Variants in KLC3 observed in about 807,000 individuals in gnomAD.
KLC3 encodes kinesin light chain 2.
In KLC3, 72 loss-of-function variants were observed where a neutral mutation model predicts 62.9. That is an observed-to-expected ratio of 1.15 (90% CI 0.95 to 1.39). The LOEUF (loss-of-function observed/expected upper bound fraction) is 1.39. KLC3 is among the 40% of genes most tolerant of loss of function. The pLI is 0.00. For missense variants in KLC3, 848 were observed against 691.6 expected, an observed-to-expected ratio of 1.23 and a Z score of -2.54; for synonymous variants, 377 against 300.5, an observed-to-expected ratio of 1.25 and a Z score of -2.63.
chr19:45,350,314 A>G (rs748311375), intron 8 of KLC3, 27 bp from the exon 9 acceptor site: 1 of 1,603,192 alleles, frequency 6.2e-7, no homozygotes, highest in Non-Finnish European at 8.5e-7. Context: ...GGGTCCGAAA[A>G]GTTCCCAGAC....
At chr19:45,349,699 G>C (rs573461456) in intron 8 of KLC3, 97 bp downstream of exon 8, 4 of 884,250 alleles carry the variant, frequency 4.5e-6, no homozygotes, top group East Asian at 2.7e-5. Flanking sequence ...GTGAGGGTGG[G>C]GGGGGGCCCC....
intron 3 of KLC3, chr19:45,347,173 T>C (rs1277765435): frequency 1.3e-5 from 6 of 452,244 alleles, no homozygotes; most frequent in African/African-American, 2.0e-5. Flanking sequence ...AGAAACCCCG[T>C]CTCTACTAAA....
Position 45,351,021 on chromosome 19 carries a change from A to AG in KLC3, c.1443+9dup, listed in dbSNP as rs1349745490. 9 of 1,613,980 alleles carry AG rather than the reference A, an allele frequency of 5.6e-6. No homozygotes were observed. The highest frequency in any genetic ancestry group is 6.8e-6 in the Non-Finnish European group (8 of 1,180,018). On this transcript the variant is annotated splice_donor_region_variant and intron_variant, in intron 12 of 12. Coordinates refer to ENST00000391946, the MANE Select transcript of KLC3 (RefSeq NM_177417.3). ...TCCAAGGGCTCCTGGGACTCAGGTG[A>AG]GGGGGACATCTGGGTCAAAAATAGA...
At position 45,345,797 on chromosome 19, in the gene KLC3, C is replaced by A. The variant is rs1353787944; in HGVS notation, c.256C>A (p.Gln86Lys). The change falls in exon 2 of 13, where the codon CAG becomes AAG. Residue 86 changes from glutamine to lysine, a missense_variant and splice_region_variant. Gln to Lys is a moderately conservative substitution (Grantham distance 53). Coordinates refer to ENST00000391946, the MANE Select transcript of KLC3 (RefSeq NM_177417.3). The stretch of plus-strand genomic sequence containing the variant: ...CATCGAGCTGGGGCTGGGCGAGGCC[C>A]AGGTATGAGGGGGCCAGGTGGGGAG... The part of the protein sequence containing the change: ...EAIELGLGEA[Q>K]VLLALSAHVG... 16 of 1,545,264 alleles carry A rather than the reference C, an allele frequency of 1.0e-5. No individual in the cohort carries two copies. Among genetic ancestry groups the A allele is most frequent in the Non-Finnish European group, 1.3e-5 (15 of 1,145,658 alleles).
At chr19:45,351,222 T>C in intron 12 of KLC3, 64 bp from the exon 13 acceptor site, 6 of 1,591,726 alleles carry the variant, frequency 3.8e-6, no homozygotes, top group Non-Finnish European at 5.1e-6. Context: ...GACCTGGAGC[T>C]GGAGGGTGGA....
chr19:45,348,682 C>G lies in KLC3; in HGVS notation c.816C>G (p.Leu272=). Residue 272 remains leucine (L), a synonymous_variant, in exon 6 of 13, where the codon CTC becomes CTG. Transcript: ENST00000391946. ...AGTACAAAGAAGCCACAGACCTTCT[C>G]CATGATGCCCTGCAGATCCGGGAGC... is the stretch of plus-strand genomic sequence containing the variant. ...QNKYKEATDL[L]HDALQIREQT... The G allele has an allele frequency of 7.5e-6, 12 of 1,596,060 alleles. No individual in the cohort carries two copies. The highest frequency in any genetic ancestry group is 1.0e-5 in the Non-Finnish European group (12 of 1,171,674).
intron 7 of KLC3, 86 bp downstream of exon 7, chr19:45,349,007 G>A: frequency 1.7e-6 from 2 of 1,211,162 alleles, no homozygotes; most frequent in South Asian, 2.7e-5. Context: ...TCGTGACCCT[G>A]ACCCTCGGGC....
intron 1 of KLC3, among the ~76,000 whole-genome samples, chr19:45,343,755 G>A (rs1971434738): frequency 6.6e-6 from 1 of 152,200 alleles, no homozygotes; most frequent in Non-Finnish European, 1.5e-5. Context: ...TTTCTAAAAG[G>A]AAAATGTAAA....
At chr19:45,345,197 G>C (rs1230478515) in intron 1 of KLC3, 2 of 488,930 alleles carry the variant, frequency 4.1e-6, no homozygotes, top group African/African-American at 4.0e-5. Context: ...AGGCTGGCCA[G>C]GTGAGCTGAG....
Position 45,350,599 on chromosome 19 carries a change from A to C in KLC3, c.1273-42A>C, listed in dbSNP as rs774943834. 3.1e-6 allele frequency: 5 copies of C among 1,613,182 alleles called. No homozygotes were observed. In the Middle Eastern group the frequency reaches 4.9e-4, roughly 159 times the overall value. ...CTCCTGGGGTGGGCGTGGGGACTGC[A>C]TGGGCCTGGGGGACTGAGCAGCATC... On this transcript the variant is annotated intron_variant, in intron 10 of 12. Coordinates refer to ENST00000391946, the MANE Select transcript of KLC3 (RefSeq NM_177417.3).
rs867670630 is a variant in KLC3 at position 45,348,079 on chromosome 19, C to T, written c.698C>T (p.Ala233Val). Residue 233 changes from alanine (A) to valine (V), a missense_variant, in exon 5 of 13, where the codon GCC (alanine) becomes GTC (valine). Transcript: ENST00000391946. ...YEVAVPLCRQALEDLERSSGH... is the reference protein window; with the variant it reads ...YEVAVPLCRQVLEDLERSSGH... ...GTGGCGGTGCCTCTGTGCCGCCAGGCCTTGGAGGACCTGGAGCGCAGCTCG... is the reference window on the plus strand; with the variant it reads ...GTGGCGGTGCCTCTGTGCCGCCAGGTCTTGGAGGACCTGGAGCGCAGCTCG... 2 of 1,602,372 alleles carry T rather than the reference C, an allele frequency of 1.2e-6. No homozygotes were observed. Among genetic ancestry groups the T allele is most frequent in the Non-Finnish European group, 1.7e-6 (2 of 1,174,870 alleles).
At chr19:45,348,237 C>T in intron 5 of KLC3, 77 bp downstream of exon 5, 3 of 1,313,038 alleles carry the variant, frequency 2.3e-6, no homozygotes, top group South Asian at 2.7e-5. Flanking sequence ...GATCCTGGTG[C>T]CCCCTCTGTC....
intron 4 of KLC3, among the ~76,000 whole-genome samples, 200 bp from the exon 5 acceptor site, chr19:45,347,741 C>T (rs923045928): frequency 3.3e-5 from 5 of 152,156 alleles, no homozygotes; most frequent in African/African-American, 9.7e-5. Flanking sequence ...AGGTGGGCTG[C>T]CGTGTTCCTG....
intron 11 of KLC3, 55 bp downstream of exon 11, chr19:45,350,802 ACC>A (rs1340007584): frequency 1.2e-6 from 1 of 821,430 alleles, no homozygotes; most frequent in Non-Finnish European, 1.8e-6. Flanking sequence ...TCCACAGCCC[ACC>A]CCACCCCCAC....
At chr19:45,349,386 C>T (rs776070805) in intron 7 of KLC3, 43 bp from the exon 8 acceptor site, 3 of 1,557,264 alleles carry the variant, frequency 1.9e-6, no homozygotes, top group Admixed American at 1.8e-5. Flanking sequence ...CGTGTCCCAC[C>T]AATCCTGTAT....
Position 45,347,619 on chromosome 19 carries a change from G to C in KLC3, c.559+103G>C, listed in dbSNP as rs1192207289. Reference sequence around the variant, plus strand: ...TCTCTGAGCCAGGGGATGGGGAGGTGAGGGCAGGGTGAGGAGGACCCTGAA... The same window carrying C: ...TCTCTGAGCCAGGGGATGGGGAGGTCAGGGCAGGGTGAGGAGGACCCTGAA... On this transcript the variant is annotated intron_variant, in intron 4 of 12. Coordinates refer to ENST00000391946, the MANE Select transcript of KLC3 (RefSeq NM_177417.3). 1.0e-5 allele frequency: 11 copies of C among 1,099,982 alleles called. No individual in the cohort carries two copies. The East Asian group carries it at 2.7e-4, about 27-fold the overall frequency. The allele number at this position is 1,099,982 out of a possible 1,614,324, so 68.1% of individuals were successfully genotyped here.
At chr19:45,345,870 G>C (rs576897748) in intron 2 of KLC3, 71 bp downstream of exon 2, 6 of 1,445,406 alleles carry the variant, frequency 4.2e-6, no homozygotes, top group Non-Finnish European at 5.5e-6. Flanking sequence ...GCATGAGGGG[G>C]ACAGGTATGT....
intron 5 of KLC3, 37 bp downstream of exon 5, chr19:45,348,197 C>T (rs370875169): frequency 1.3e-4 from 198 of 1,519,008 alleles, no homozygotes; most frequent in Admixed American, 9.2e-4. Context: ...GGGGCAGGAA[C>T]GGCAGGGACC....
intron 7 of KLC3, 128 bp downstream of exon 7, chr19:45,349,049 G>C: frequency 1.2e-6 from 1 of 801,016 alleles, no homozygotes; most frequent in Admixed American, 2.5e-5. Flanking sequence ...GACCCCAGTT[G>C]GAGCCTAGAT....
Sources: allele counts gnomAD v4.1 joint callset (sites outside exome capture counted in the v4.1 genomes callset), GRCh38; gene constraint gnomAD v4.1.1; transcripts MANE v1.5; gene names NCBI Gene and HGNC (gene_info 2026-07-23, HGNC 2026-07-21).